The following MEGF11 variants were observed in gnomAD, a reference collection of about 807,000 sequenced individuals.
The protein encoded by MEGF11 is multiple EGF like domains 11.
MEGF11 carries 126 observed loss-of-function variants against 146.6 expected under a neutral mutation model. The observed-to-expected ratio is 0.86, with a 90% CI of 0.74 to 1.00. The LOEUF (loss-of-function observed/expected upper bound fraction) is 1.00, where lower values mean the gene tolerates loss of function less well. Among genes scored for constraint, MEGF11 ranks in the 50% least tolerant of loss-of-function variants. The probability of loss-of-function intolerance (pLI) is 0.00; values close to 1 mark genes in which losing one functional copy is unlikely to be tolerated. For synonymous variants in MEGF11, 532 were observed against 583.4 expected (o/e 0.91, Z 1.27); for missense variants, 1,509 against 1,521.2 (o/e 0.99, Z 0.13).
chr15:65,949,897 C>T (rs757306674), intron 10 of MEGF11, among the ~76,000 whole-genome samples: 8 of 152,092 alleles, frequency 5.3e-5, no homozygotes, highest in South Asian at 2.1e-4. Flanking sequence ...ATGGTGGAGC[C>T]GAGAAATCAG....
chr15:65,972,159 A>G (rs994496453), intron 7 of MEGF11, among the ~76,000 whole-genome samples: 1 of 152,178 alleles, frequency 6.6e-6, no homozygotes, highest in Non-Finnish European at 1.5e-5. Flanking sequence ...TAGAGAAAAT[A>G]TAGAGGACCA....
At chr15:66,241,578 G>A (rs1017051491) in intron 1 of MEGF11, among the ~76,000 whole-genome samples, 4 of 152,174 alleles carry the variant, frequency 2.6e-5, no homozygotes, top group Admixed American at 6.5e-5. Context: ...AGGGCAATTA[G>A]GAAGGTCTCC....
At chr15:66,162,347 A>G (rs1427456351) in intron 1 of MEGF11, among the ~76,000 whole-genome samples, 3 of 152,230 alleles carry the variant, frequency 2.0e-5, no homozygotes, top group African/African-American at 7.2e-5. Flanking sequence ...TGTGATGTAT[A>G]TTTTACCACA....
chr15:66,025,828 G>A (rs2083310925), intron 5 of MEGF11, among the ~76,000 whole-genome samples: 1 of 152,152 alleles, frequency 6.6e-6, no homozygotes, highest in African/African-American at 2.4e-5. Context: ...CTGGGGTCCA[G>A]CATCTCAACC....
chr15:66,113,192 C>A (rs1007295638), intron 4 of MEGF11, among the ~76,000 whole-genome samples: 2 of 152,158 alleles, frequency 1.3e-5, no homozygotes, highest in African/African-American at 4.8e-5. Flanking sequence ...CTGCTGGCTC[C>A]CTCGGACACC....
chr15:65,998,925 G>T (rs922451262), intron 5 of MEGF11, among the ~76,000 whole-genome samples: 1 of 152,174 alleles, frequency 6.6e-6, no homozygotes, highest in Non-Finnish European at 1.5e-5. Flanking sequence ...TTGGGACTTT[G>T]GAGGGAATCT....
intron 1 of MEGF11, among the ~76,000 whole-genome samples, chr15:66,249,334 G>A (rs1024234241): frequency 6.6e-6 from 1 of 151,966 alleles, no homozygotes; most frequent in Non-Finnish European, 1.5e-5. Context: ...TTTTAATGAA[G>A]AAGGCATGTT....
intron 9 of MEGF11, among the ~76,000 whole-genome samples, chr15:65,958,281 G>A (rs367961340): frequency 6.6e-6 from 1 of 152,202 alleles, no homozygotes; most frequent in Non-Finnish European, 1.5e-5. Context: ...CCCAACCTAC[G>A]CTTTGCCAGG....
chr15:66,067,454 C>T (rs1206540201), intron 5 of MEGF11, among the ~76,000 whole-genome samples: 1 of 152,230 alleles, frequency 6.6e-6, no homozygotes, highest in Non-Finnish European at 1.5e-5. Context: ...ACAGCAATTA[C>T]AGGACTTGCT....
At chr15:66,090,658 A>G (rs1472699786) in intron 5 of MEGF11, among the ~76,000 whole-genome samples, 1 of 152,248 alleles carries the variant, frequency 6.6e-6, no homozygotes, top group Non-Finnish European at 1.5e-5. Flanking sequence ...GAATCTTGGA[A>G]AAAGGACGGT....
chr15:66,039,814 CCTG>C (rs1567213490), intron 5 of MEGF11, among the ~76,000 whole-genome samples: 22 of 80,256 alleles, frequency 2.7e-4, no homozygotes, highest in East Asian at 7.7e-4. Flanking sequence ...GGGTGACGGT[CCTG>C]AGCCGGGTCA....
intron 1 of MEGF11, among the ~76,000 whole-genome samples, chr15:66,181,121 A>G (rs1441702420): frequency 6.6e-6 from 1 of 152,276 alleles, no homozygotes; most frequent in Non-Finnish European, 1.5e-5. Flanking sequence ...ATTAGAAACA[A>G]AGTAACATAT....
intron 1 of MEGF11, among the ~76,000 whole-genome samples, chr15:66,138,953 G>A (rs769135249): frequency 6.6e-6 from 1 of 152,154 alleles, no homozygotes; most frequent in African/African-American, 2.4e-5. Flanking sequence ...GGCCTGATAA[G>A]GACTGCCTCC....
intron 1 of MEGF11, among the ~76,000 whole-genome samples, chr15:66,252,866 C>T (rs1031175029): frequency 6.6e-6 from 1 of 152,202 alleles, no homozygotes. Context: ...ACGCTCCAGG[C>T]GCGCGCAGAG....
intron 5 of MEGF11, among the ~76,000 whole-genome samples, chr15:66,090,853 C>T (rs2086291719): frequency 6.6e-6 from 1 of 152,166 alleles, no homozygotes; most frequent in Admixed American, 6.5e-5. Flanking sequence ...AAGTTATAGA[C>T]TAGCTCATAT....
At chr15:66,030,951 G>A (rs540629345) in intron 5 of MEGF11, among the ~76,000 whole-genome samples, 49 of 152,282 alleles carry the variant, frequency 3.2e-4, no homozygotes, top group African/African-American at 1.0e-3. Context: ...AATGTAAGAG[G>A]GCTCATAAGC....
intron 5 of MEGF11, among the ~76,000 whole-genome samples, chr15:66,077,948 G>T (rs1015702473): frequency 2.0e-4 from 30 of 152,212 alleles, no homozygotes; most frequent in African/African-American, 7.2e-4. Flanking sequence ...GGGCCAAGGA[G>T]ATGAGCACTT....
At chr15:66,208,071 T>G in intron 1 of MEGF11, among the ~76,000 whole-genome samples, 1 of 140,568 alleles carries the variant, frequency 7.1e-6, no homozygotes, top group Admixed American at 7.4e-5. Context: ...GGCAACAGAG[T>G]GAGACTGTGC....
At chr15:66,039,289 C>T (rs1052979255) in intron 5 of MEGF11, among the ~76,000 whole-genome samples, 2 of 152,170 alleles carry the variant, frequency 1.3e-5, no homozygotes, top group Non-Finnish European at 2.9e-5. Flanking sequence ...GGTGACCCCA[C>T]CCACTCCCAG....
Sources: gnomAD v4.1 joint callset for allele counts (sites outside exome capture counted in the v4.1 genomes callset) on GRCh38, gnomAD v4.1.1 for gene constraint, MANE v1.5 for transcripts, NCBI Gene and HGNC (gene_info 2026-07-23, HGNC 2026-07-21) for gene names.